Variants in SERPINB6 observed in about 807,000 individuals in gnomAD.
SERPINB6 encodes the protein serpin family B member 6.
SERPINB6 carries 16 observed loss-of-function variants against 26.1 expected under a neutral mutation model. The ratio of observed to expected loss-of-function variants is 0.61; its 90% confidence interval spans 0.42 to 0.93. The LOEUF (loss-of-function observed/expected upper bound fraction) is 0.93, where lower values mean the gene tolerates loss of function less well. SERPINB6 is among the 40% of genes least tolerant of loss of function. The pLI is 0.00. For synonymous variants in SERPINB6, 174 were observed against 176.6 expected (o/e 0.99, Z 0.11); for missense variants, 420 against 478.0 (o/e 0.88, Z 1.13).
intron 1 of SERPINB6, 191 bp from the exon 2 acceptor site, chr6:2,959,533 GAA>G: frequency 1.6e-6 from 1 of 643,178 alleles, no homozygotes; most frequent in East Asian, 2.8e-5. Flanking sequence ...TGTGGAAAAT[GAA>G]AGAGTTCTAT....
chr6:2,962,587 A>T (rs1040914081), intron 1 of SERPINB6, among the ~76,000 whole-genome samples: 2 of 152,210 alleles, frequency 1.3e-5, no homozygotes, highest in Non-Finnish European at 2.9e-5. Context: ...GAAGAGCAAA[A>T]ATGTAGCTCA....
chr6:2,970,993 C>G, intron 1 of SERPINB6: 3 of 1,221,542 alleles, frequency 2.5e-6, no homozygotes, highest in Non-Finnish European at 3.1e-6. Flanking sequence ...TGGCGCCGAA[C>G]CCCTCGGCCT....
At chr6:2,963,142 T>C (rs1771295040) in intron 1 of SERPINB6, among the ~76,000 whole-genome samples, 1 of 152,040 alleles carries the variant, frequency 6.6e-6, no homozygotes, top group African/African-American at 2.4e-5. Context: ...ATGGAGTAAC[T>C]GGGCTACTAA....
intron 5 of SERPINB6, among the ~76,000 whole-genome samples, chr6:2,949,340 C>T (rs149927643): frequency 2.0e-5 from 3 of 152,360 alleles, no homozygotes; most frequent in East Asian, 3.9e-4. Flanking sequence ...ATTTACCTCC[C>T]GCCTGGGCCT....
At position 2,948,808 on chromosome 6, in the gene SERPINB6, A is replaced by G; in HGVS notation, c.729+106T>C. 1 of 1,565,744 alleles carries G rather than the reference A, an allele frequency of 6.4e-7. No individual in the cohort carries two copies. Among genetic ancestry groups the G allele is most frequent in the Non-Finnish European group, 8.8e-7 (1 of 1,138,446 alleles). ...CAGTGGCAGCGTGGCTATGGTCAGC[A>G]GCGCTCCAGTGTTAAACGGCTGACC... On this transcript the variant is annotated intron_variant, in intron 6 of 6. Coordinates refer to ENST00000380539, the MANE Select transcript of SERPINB6 (RefSeq NM_004568.6). The surrounding 1 kb of genome is among the most constrained non-coding windows in gnomAD (Gnocchi z 5.0).
chr6:2,968,906 G>C (rs1771877316), intron 1 of SERPINB6: 1 of 1,227,634 alleles, frequency 8.1e-7, no homozygotes, highest in Middle Eastern at 3.1e-4. Context: ...GTGGCTATCG[G>C]TGGTGTTCTG....
At chr6:2,970,279 A>C (rs942030444) in intron 1 of SERPINB6, 1 of 985,586 alleles carries the variant, frequency 1.0e-6, no homozygotes, top group Non-Finnish European at 1.2e-6. Context: ...GAATTGTAAT[A>C]AAATGCATTG....
At chr6:2,953,835 C>T (rs928707981) in intron 4 of SERPINB6, among the ~76,000 whole-genome samples, 1 of 151,950 alleles carries the variant, frequency 6.6e-6, no homozygotes, top group African/African-American at 2.4e-5. Context: ...TTGAGATCAT[C>T]CTGGCCAACA....
intron 5 of SERPINB6, among the ~76,000 whole-genome samples, chr6:2,952,302 G>A (rs1366146871): frequency 2.0e-5 from 3 of 152,162 alleles, no homozygotes; most frequent in Non-Finnish European, 4.4e-5. Context: ...AAGTTAGCCT[G>A]GAAGATCTAA....
chr6:2,962,477 G>T (rs1771227215), intron 1 of SERPINB6, among the ~76,000 whole-genome samples: 1 of 152,208 alleles, frequency 6.6e-6, no homozygotes, highest in Non-Finnish European at 1.5e-5. Flanking sequence ...CTGGACTCCT[G>T]ATACCAGTTT....
intron 5 of SERPINB6, among the ~76,000 whole-genome samples, chr6:2,952,621 CAG>C (rs1307284710): frequency 9.2e-5 from 14 of 152,358 alleles, no homozygotes; most frequent in African/African-American, 2.2e-4. Context: ...TGGCACTTGT[CAG>C]AGAGTCCTCC....
intron 1 of SERPINB6, chr6:2,959,564 T>C (rs1321132949): frequency 3.6e-6 from 2 of 560,286 alleles, no homozygotes; most frequent in African/African-American, 1.9e-5. Flanking sequence ...CCGCCCTGTT[T>C]TGTGAGGACT....
rs759195960 is a variant in SERPINB6 at position 2,959,171 on chromosome 6, G to A, written c.162C>T (p.Ala54=). ...GAKGNTAAQM[A]QILSFNKSGG... is the part of the protein sequence containing the mutation. ...CATGGCTGCCCTGAAGCTGTACCTG[G>A]GCCATCTGTGCAGCGGTGTTTCCCT... Residue 54 remains alanine (A), a synonymous_variant, in exon 2 of 7, where the codon GCC becomes GCT. Transcript: ENST00000380539. The A allele has an allele frequency of 5.0e-6, 8 of 1,614,142 alleles. No individual in the cohort carries two copies. The highest frequency in any genetic ancestry group is 5.9e-6 in the Non-Finnish European group (7 of 1,180,022).
In SERPINB6 at chr6:2,951,111, C is replaced by T. The variant is rs936878323; in HGVS notation, c.573+1933G>A. Among the ~76,000 whole-genome samples the T allele has an allele frequency of 3.9e-5, 6 of 152,318 alleles. No homozygotes were observed. The South Asian group carries it at 1.2e-3, about 32-fold the overall frequency. ...AGTAAGTAAATAAGCATGGGCCAGG[C>T]GTGGTGGCTCACGCCTGTAATCCCA... On this transcript the variant is annotated intron_variant, in intron 5 of 6. Transcript: ENST00000380539.
At chr6:2,970,178 C>T in intron 1 of SERPINB6, 7 of 984,996 alleles carry the variant, frequency 7.1e-6, no homozygotes, top group Non-Finnish European at 8.4e-6. Context: ...TGCTTGGGTG[C>T]CCTTATTATT....
intron 3 of SERPINB6, chr6:2,955,204 A>AAAC (rs1554102180): frequency 3.1e-5 from 5 of 163,196 alleles, no homozygotes; most frequent in East Asian, 1.5e-4. Context: ...AAAAAAAAAC[A>AAAC]AAAAAAAAAA....
intron 1 of SERPINB6, chr6:2,966,775 C>A (rs141793582): frequency 0.016 from 3,498 of 219,894 alleles, 44 homozygotes; most frequent in South Asian, 0.06. Flanking sequence ...TTAGATTTTT[C>A]TAGTCCAAAG....
intron 1 of SERPINB6, chr6:2,970,228 T>G: frequency 1.0e-6 from 1 of 985,364 alleles, no homozygotes; most frequent in Non-Finnish European, 1.2e-6. Context: ...TCATGCTAAT[T>G]TCACTCTACT....
chr6:2,953,327 G>A (rs1770043206), intron 4 of SERPINB6, 141 bp from the exon 5 acceptor site: 4 of 1,146,326 alleles, frequency 3.5e-6, no homozygotes, highest in Non-Finnish European at 5.2e-6. Context: ...AAAGGGATAC[G>A]TGTCCTTAAA....
Sources: allele counts gnomAD v4.1 joint callset (sites outside exome capture counted in the v4.1 genomes callset), GRCh38; gene constraint gnomAD v4.1.1; non-coding constraint Gnocchi (gnomAD v3.1); transcripts MANE v1.5; gene names NCBI Gene and HGNC (gene_info 2026-07-23, HGNC 2026-07-21).